RFLNA: variants seen among roughly 807,000 people sequenced by gnomAD.
RFLNA encodes refilin-A.
In RFLNA, 5 loss-of-function variants were observed where a neutral mutation model predicts 7.8. The observed-to-expected ratio is 0.64, with a 90% CI of 0.34 to 1.35. RFLNA has a LOEUF of 1.35. Among genes scored for constraint, RFLNA ranks in the 40% most tolerant of loss-of-function variants. RFLNA has a pLI of 0.04. For missense variants in RFLNA, 278 were observed against 305.5 expected (o/e 0.91, Z 0.67); for synonymous variants, 141 against 131.3 (o/e 1.07, Z -0.50).
At chr12:124,311,571 C>CTTGT (rs2135693070) in intron 1 of RFLNA, 1 of 392,342 alleles carries the variant, frequency 2.5e-6, no homozygotes, top group East Asian at 4.9e-5. Context: ...TTGTTGAGAA[C>CTTGT]TGGGAGCTGG....
rs1465602687 is a variant in RFLNA at position 124,300,781 on chromosome 12, T to TTGAC, written c.207+5145_207+5146insTGAC. On this transcript the variant is annotated intron_variant, in intron 1 of 2. Coordinates refer to ENST00000546355, the MANE Select transcript of RFLNA (RefSeq NM_001365156.1). Reference sequence around the variant, plus strand: ...ATGGATGGATGGATGGATTGACGGATGGATGGATGGATGGATGGATGGATG... The same window carrying TTGAC: ...ATGGATGGATGGATGGATTGACGGATTGACGGATGGATGGATGGATGGATGGATG... Among the ~76,000 whole-genome samples, 442 of 83,742 alleles carry TTGAC rather than the reference T, an allele frequency of 5.3e-3. 1 individual carries two copies. The highest frequency in any genetic ancestry group is 0.023 in the African/African-American group (394 of 16,876). The allele number at this position is 83,742 out of a possible 152,430, so 54.9% of individuals were successfully genotyped here.
chr12:124,314,380 T>C lies in RFLNA; in HGVS notation c.506T>C (p.Ile169Thr). Residue 169 changes from isoleucine (I) to threonine (T), a missense_variant, in exon 3 of 3, where the codon ATC becomes ACC. Transcript: ENST00000546355. ...GCCCTGCGCTTCCGCAGCACCACCA[T>C]CATCTTCCCCAAGCATGCCAGGAGC... ...PRALRFRSTT[I>T]IFPKHARSTF... is the part of the protein sequence containing the mutation. The C allele has an allele frequency of 6.2e-7, 1 of 1,612,184 alleles. No individual in the cohort carries two copies. Among genetic ancestry groups the C allele is most frequent in the South Asian group, 1.1e-5 (1 of 91,078 alleles).
Position 124,295,535 on chromosome 12 carries a change from C to G in RFLNA, c.106C>G (p.Pro36Ala). The G allele has an allele frequency of 7.9e-7, 1 of 1,261,654 alleles. No homozygotes were observed. Among genetic ancestry groups the G allele is most frequent in the Non-Finnish European group, 9.9e-7 (1 of 1,005,218 alleles). The allele number at this position is 1,261,654 out of a possible 1,614,324, so 78.2% of individuals were successfully genotyped here. The change falls in exon 1 of 3, where the codon CCC (proline) becomes GCC (alanine). Residue 36 changes from proline to alanine, a missense_variant. By Grantham distance (27) the Pro-to-Ala change is conservative. Coordinates refer to ENST00000546355, the MANE Select transcript of RFLNA (RefSeq NM_001365156.1). Reference sequence around the variant, plus strand: ...CTCCGGGCTGCCCCCCAGCCCCAGCCCCAGCCCGCCCTTCTACTCCCTGGC... The same window carrying G: ...CTCCGGGCTGCCCCCCAGCCCCAGCGCCAGCCCGCCCTTCTACTCCCTGGC... ...PDSGLPPSPSPSPPFYSLAPG... is the reference protein window; with the variant it reads ...PDSGLPPSPSASPPFYSLAPG...
intron 1 of RFLNA, among the ~76,000 whole-genome samples, chr12:124,304,577 G>A (rs779419689): frequency 1.3e-5 from 2 of 152,226 alleles, no homozygotes; most frequent in African/African-American, 2.4e-5. Flanking sequence ...TCTTCATTCC[G>A]GGTTGACCCA....
At chr12:124,301,467 G>A (rs2034036950) in intron 1 of RFLNA, among the ~76,000 whole-genome samples, 1 of 152,208 alleles carries the variant, frequency 6.6e-6, no homozygotes, top group Non-Finnish European at 1.5e-5. Flanking sequence ...GGGGGCAGGT[G>A]TGGTCTGTCC....
chr12:124,297,306 C>G (rs889301601), intron 1 of RFLNA, among the ~76,000 whole-genome samples: 1 of 152,084 alleles, frequency 6.6e-6, no homozygotes, highest in Non-Finnish European at 1.5e-5. Flanking sequence ...TATTTTTTCC[C>G]CTTCCTGCTC....
chr12:124,314,348 C>T lies in RFLNA; in HGVS notation c.474C>T (p.Arg158=), dbSNP rs1222078749. Residue 158 remains arginine (R), a synonymous_variant, in exon 3 of 3, where the codon CGC becomes CGT. Transcript: ENST00000546355. ...NYRSQLTLEP[R]PRALRFRSTT... ...GCAGCCAGCTGACCCTGGAGCCACG[C>T]CCGCGCGCCCTGCGCTTCCGCAGCA... 2 of 1,613,424 alleles carry T rather than the reference C, an allele frequency of 1.2e-6. No homozygotes were observed. Among genetic ancestry groups the T allele is most frequent in the Admixed American group, 1.7e-5 (1 of 60,024 alleles).
intron 2 of RFLNA, among the ~76,000 whole-genome samples, chr12:124,312,697 G>GT (rs1233557575): frequency 3.3e-5 from 5 of 152,212 alleles, no homozygotes; most frequent in Admixed American, 3.3e-4. Context: ...TTAGGGGACA[G>GT]TTGTCCAGCT....
In RFLNA at chr12:124,315,073, A is replaced by G; in HGVS notation, c.*548A>G. On this transcript the variant is annotated 3_prime_UTR_variant, in exon 3 of 3. Coordinates refer to ENST00000546355, the MANE Select transcript of RFLNA (RefSeq NM_001365156.1). The stretch of plus-strand genomic sequence containing the variant: ...ATGCAGGTTGCACCGAGAGGTCTGG[A>G]GCTGTGGCTGAGCCACCTCTGGCGG... The G allele has an allele frequency of 4.9e-6, 1 of 202,842 alleles. No homozygotes were observed. The highest frequency in any genetic ancestry group is 1.0e-5 in the Non-Finnish European group (1 of 98,808). The allele number at this position is 202,842 out of a possible 1,614,324, so 12.6% of individuals were successfully genotyped here.
At chr12:124,312,024 C>T (rs1286951703) in intron 2 of RFLNA, 97 bp downstream of exon 2, 3 of 1,374,436 alleles carry the variant, frequency 2.2e-6, no homozygotes, top group South Asian at 1.6e-5. Context: ...CTAGGCCAAG[C>T]TGGGGGCTCA....
In RFLNA at chr12:124,295,759, C is replaced by G. The variant is rs868035396; in HGVS notation, c.207+123C>G. 1.4e-5 allele frequency: 14 copies of G among 1,015,116 alleles called. No individual in the cohort carries two copies. In the African/African-American group the frequency reaches 2.2e-4, roughly 16 times the overall value. 62.9% of individuals were successfully genotyped at this position (1,015,116 alleles called of 1,614,324 possible). A position where few individuals can be genotyped will look rare whatever the true frequency, so the allele number is the denominator to read the frequency against. ...TCCTCCTCTACCTGCCCCGCAACCA[C>G]GAAGGTGGCCAGTGACAGCCACGCT... On this transcript the variant is annotated intron_variant, in intron 1 of 2. Coordinates refer to ENST00000546355, the MANE Select transcript of RFLNA (RefSeq NM_001365156.1).
At chr12:124,296,060 A>C (rs2033902861) in intron 1 of RFLNA, among the ~76,000 whole-genome samples, 1 of 143,586 alleles carries the variant, frequency 7.0e-6, no homozygotes, top group African/African-American at 2.7e-5. Flanking sequence ...GGGCGCTGCC[A>C]ATGTGAAAGC....
At position 124,315,041 on chromosome 12, in the gene RFLNA, C is replaced by T. The variant is rs150440112; in HGVS notation, c.*516C>T. The T allele has an allele frequency of 6.6e-4, 164 of 248,208 alleles. No homozygotes were observed. Among genetic ancestry groups the T allele is most frequent in the African/African-American group, 3.0e-3 (133 of 44,928 alleles). 15.4% of individuals were successfully genotyped at this position (248,208 alleles called of 1,614,324 possible). Reference sequence around the variant, plus strand: ...TGGGGTATTTCCAAAACAGCCTTTTCGCACACATGCAGGTTGCACCGAGAG... The same window carrying T: ...TGGGGTATTTCCAAAACAGCCTTTTTGCACACATGCAGGTTGCACCGAGAG... On this transcript the variant is annotated 3_prime_UTR_variant, in exon 3 of 3. Transcript: ENST00000546355.
chr12:124,298,339 C>T (rs2033967838), intron 1 of RFLNA, among the ~76,000 whole-genome samples: 1 of 152,062 alleles, frequency 6.6e-6, no homozygotes, highest in South Asian at 2.1e-4. Context: ...CTCCTGGACG[C>T]CCCCCACCCA....
At chr12:124,308,053 C>G (rs866511482) in intron 1 of RFLNA, among the ~76,000 whole-genome samples, 14 of 151,516 alleles carry the variant, frequency 9.2e-5, no homozygotes, top group African/African-American at 3.4e-4. Context: ...GCGATCTCGG[C>G]TCACTGCAAC....
At position 124,306,013 on chromosome 12, in the gene RFLNA, C is replaced by T. The variant is rs140153413; in HGVS notation, c.208-5805C>T. ...TCCTCAGCCCTTGTTCTGGGGTGAC[C>T]GTGACTAGCAGGGATGGGGCTCCTG... On this transcript the variant is annotated intron_variant, in intron 1 of 2. Transcript: ENST00000546355. The surrounding 1 kb of genome is among the most constrained non-coding windows in gnomAD (Gnocchi z 5.2). Among the ~76,000 whole-genome samples the T allele has an allele frequency of 4.5e-4, 68 of 152,238 alleles. No homozygotes were observed. The highest frequency in any genetic ancestry group is 7.2e-4 in the Admixed American group (11 of 15,296).
chr12:124,311,400 C>T (rs944199612), intron 1 of RFLNA, among the ~76,000 whole-genome samples: 4 of 152,240 alleles, frequency 2.6e-5, no homozygotes, highest in African/African-American at 7.2e-5. Context: ...GCTGCCTGAG[C>T]CTTGGGTGGT....
At chr12:124,302,813 G>GGGGGCCGAGGTCAGGGGCCGAGGTCAGA (rs2034064777) in intron 1 of RFLNA, among the ~76,000 whole-genome samples, 29 of 68,396 alleles carry the variant, frequency 4.2e-4, no homozygotes, top group African/African-American at 1.2e-3. Flanking sequence ...GCTGAGGTCA[G>GGGGGCCGAGGTCAGGGGCCGAGGTCAGA]GGGCCGAGGT....
At chr12:124,305,384 C>T (rs2034120461) in intron 1 of RFLNA, among the ~76,000 whole-genome samples, 1 of 152,200 alleles carries the variant, frequency 6.6e-6, no homozygotes, top group Non-Finnish European at 1.5e-5. Flanking sequence ...CTGTGGTGGC[C>T]CAGAGACGGG....
Sources: gnomAD v4.1 joint callset for allele counts (sites outside exome capture counted in the v4.1 genomes callset) on GRCh38, gnomAD v4.1.1 for gene constraint, Gnocchi (gnomAD v3.1) non-coding constraint, MANE v1.5 for transcripts, NCBI Gene and HGNC (gene_info 2026-07-23, HGNC 2026-07-21) for gene names.